SPATA13: variants seen among roughly 807,000 people sequenced by gnomAD.
SPATA13 encodes spermatogenesis-associated protein 13.
A neutral mutation model predicts 104.0 loss-of-function variants in SPATA13; 50 were observed. The observed-to-expected ratio is 0.48, with a 90% confidence interval of 0.38 to 0.61. The LOEUF (loss-of-function observed/expected upper bound fraction) is 0.61. Among genes scored for constraint, SPATA13 ranks in the 20% least tolerant of loss-of-function variants. The pLI, the probability that SPATA13 is intolerant of heterozygous loss-of-function variation, is 0.00. For missense variants in SPATA13, 1,524 were observed against 1,690.6 expected (o/e 0.90, Z 1.73); for synonymous variants, 606 against 667.5 (o/e 0.91, Z 1.42).
chr13:24,153,507 G>A (rs1008735811), intron 3 of SPATA13, among the ~76,000 whole-genome samples: 6 of 152,232 alleles, frequency 3.9e-5, no homozygotes, highest in African/African-American at 1.2e-4. Context: ...CTCAGCATGT[G>A]TAAAGTACAC....
At chr13:24,272,289 G>A (rs1007111078) in intron 4 of SPATA13, among the ~76,000 whole-genome samples, 29 of 152,310 alleles carry the variant, frequency 1.9e-4, no homozygotes, top group African/African-American at 6.5e-4. Context: ...GTGCTCCCTC[G>A]GTGCTGCTGG....
intron 1 of SPATA13, among the ~76,000 whole-genome samples, chr13:24,175,545 G>T (rs1407492922): frequency 6.6e-6 from 1 of 152,212 alleles, no homozygotes; most frequent in Non-Finnish European, 1.5e-5. Flanking sequence ...GTTAGGGCTA[G>T]AAGAAAGGGA....
At chr13:24,123,749 G>A in intron 3 of SPATA13, 1 of 1,464,412 alleles carries the variant, frequency 6.8e-7, no homozygotes, top group Non-Finnish European at 9.6e-7. Context: ...TAACATCTTG[G>A]ATAATGCCTT....
At chr13:24,055,433 G>A (rs1256035044) in intron 3 of SPATA13, among the ~76,000 whole-genome samples, 2 of 152,214 alleles carry the variant, frequency 1.3e-5, no homozygotes, top group Admixed American at 6.5e-5. Flanking sequence ...GGAGATGGAG[G>A]ATGGTAACAG....
intron 1 of SPATA13, among the ~76,000 whole-genome samples, chr13:24,206,910 A>G (rs374283418): frequency 6.7e-6 from 1 of 149,522 alleles, no homozygotes; most frequent in African/African-American, 2.5e-5. Context: ...AAAAAAAGAT[A>G]CATGCATGCA....
chr13:24,058,102 T>C (rs1405338332), intron 3 of SPATA13, among the ~76,000 whole-genome samples: 2 of 151,652 alleles, frequency 1.3e-5, no homozygotes, highest in Non-Finnish European at 2.9e-5. Context: ...CACATTGGAG[T>C]GTTATGTCTT....
chr13:24,230,459 C>T (rs192189338), intron 2 of SPATA13, among the ~76,000 whole-genome samples: 3 of 152,216 alleles, frequency 2.0e-5, no homozygotes, highest in African/African-American at 2.4e-5. Flanking sequence ...TCTTTAGTGC[C>T]CCGGGCGGCG....
intron 3 of SPATA13, among the ~76,000 whole-genome samples, chr13:24,052,273 T>G (rs1036262299): frequency 3.9e-5 from 6 of 152,158 alleles, no homozygotes; most frequent in Non-Finnish European, 8.8e-5. Context: ...GTGCAGTGGC[T>G]CAGGATTATA....
chr13:24,072,278 CTT>C (rs1879189660), intron 3 of SPATA13, among the ~76,000 whole-genome samples: 1 of 152,184 alleles, frequency 6.6e-6, no homozygotes, highest in African/African-American at 2.4e-5. Context: ...TGTTGTCTCT[CTT>C]TAAGTACCGT....
intron 3 of SPATA13, among the ~76,000 whole-genome samples, chr13:24,155,079 A>G (rs1216788443): frequency 6.6e-6 from 1 of 152,034 alleles, no homozygotes; most frequent in African/African-American, 2.4e-5. Flanking sequence ...GCTGGGCTCA[A>G]ACTCCTGATC....
chr13:23,994,931 T>C (rs1007759993), intron 2 of SPATA13, among the ~76,000 whole-genome samples: 4 of 152,206 alleles, frequency 2.6e-5, no homozygotes, highest in Non-Finnish European at 5.9e-5. Flanking sequence ...TTGGTGTAGC[T>C]CAGCATTCTG....
intron 4 of SPATA13, among the ~76,000 whole-genome samples, chr13:24,276,475 T>G (rs1469681275): frequency 2.0e-5 from 3 of 151,880 alleles, no homozygotes; most frequent in Non-Finnish European, 4.4e-5. Context: ...AAACAGAAAG[T>G]GGAAAGGTGG....
intron 3 of SPATA13, among the ~76,000 whole-genome samples, chr13:24,086,007 GA>G (rs1281745877): frequency 1.3e-5 from 2 of 152,190 alleles, no homozygotes; most frequent in African/African-American, 4.8e-5. Flanking sequence ...GAGGATGAAG[GA>G]AACTCTGGGT....
At chr13:24,191,514 T>C (rs1869751382) in intron 1 of SPATA13, among the ~76,000 whole-genome samples, 1 of 127,204 alleles carries the variant, frequency 7.9e-6, no homozygotes, top group Admixed American at 7.9e-5. Flanking sequence ...TTTTTTTTTT[T>C]TTTTTTTTTT....
intron 2 of SPATA13, among the ~76,000 whole-genome samples, chr13:24,005,544 A>G (rs374616433): frequency 9.1e-4 from 138 of 151,738 alleles, no homozygotes; most frequent in Middle Eastern, 3.4e-3. Context: ...TTGGTGAAAA[A>G]GGGCCATTAT....
At chr13:24,019,714 A>C (rs1272382464) in intron 3 of SPATA13, among the ~76,000 whole-genome samples, 1 of 149,632 alleles carries the variant, frequency 6.7e-6, no homozygotes, top group Admixed American at 6.8e-5. Flanking sequence ...AGGACTGCTA[A>C]AAAAAAAATG....
chr13:24,259,659 A>T (rs931631952), intron 4 of SPATA13, among the ~76,000 whole-genome samples: 1 of 152,230 alleles, frequency 6.6e-6, no homozygotes, highest in African/African-American at 2.4e-5. Context: ...GTAAAACCTC[A>T]TCAGCTCAAC....
At chr13:24,237,845 T>C (rs1872639759) in intron 2 of SPATA13, among the ~76,000 whole-genome samples, 1 of 147,982 alleles carries the variant, frequency 6.8e-6, no homozygotes, top group Admixed American at 6.8e-5. Flanking sequence ...TATATGTATA[T>C]ATAAAATATA....
At chr13:24,188,872 A>G (rs917668633) in intron 1 of SPATA13, among the ~76,000 whole-genome samples, 6 of 152,158 alleles carry the variant, frequency 3.9e-5, no homozygotes, top group Non-Finnish European at 5.9e-5. Flanking sequence ...GCATGTGCTC[A>G]TTTACCATTC....
Sources: allele counts gnomAD v4.1 joint callset (sites outside exome capture counted in the v4.1 genomes callset), GRCh38; gene constraint gnomAD v4.1.1; transcripts MANE v1.5; gene names NCBI Gene and HGNC (gene_info 2026-07-23, HGNC 2026-07-21).